Variants in L3MBTL4 observed in about 807,000 individuals in gnomAD.
The protein encoded by L3MBTL4 is L3MBTL histone methyl-lysine binding protein 4.
In L3MBTL4, 70 loss-of-function variants were observed where a neutral mutation model predicts 84.5. The ratio of observed to expected loss-of-function variants is 0.83; its 90% CI spans 0.68 to 1.01. L3MBTL4 has a LOEUF of 1.01. Ranked by LOEUF, L3MBTL4 falls within the 50% of genes least tolerant of loss-of-function variation. The pLI, the probability that L3MBTL4 is intolerant of heterozygous loss-of-function variation, is 0.00. For missense variants in L3MBTL4, 715 were observed against 754.8 expected, an observed-to-expected ratio of 0.95 and a Z score of 0.62; for synonymous variants, 274 against 259.8, an observed-to-expected ratio of 1.05 and a Z score of -0.52.
At chr18:5,982,671 T>A (rs181829922) in intron 16 of L3MBTL4, among the ~76,000 whole-genome samples, 39 of 152,334 alleles carry the variant, frequency 2.6e-4, no homozygotes, top group African/African-American at 7.0e-4. Flanking sequence ...AATTTTATAC[T>A]CATAATAGCT....
At chr18:6,391,752 A>ACTACTACTACTACTACTACTACTACTACT (rs2055059881) in intron 1 of L3MBTL4, among the ~76,000 whole-genome samples, 1 of 150,006 alleles carries the variant, frequency 6.7e-6, no homozygotes, top group South Asian at 2.1e-4. Context: ...CAACAACAAC[A>ACTACTACTACTACTACTACTACTACTACT]ACTACTACTA....
At chr18:5,973,953 T>C (rs1426227278) in intron 16 of L3MBTL4, among the ~76,000 whole-genome samples, 3 of 152,208 alleles carry the variant, frequency 2.0e-5, no homozygotes, top group Non-Finnish European at 4.4e-5. Flanking sequence ...TTTTAATTAA[T>C]CAAAATGTTC....
rs2047701572 is a variant in L3MBTL4, at chr18:6,247,185, T to C, written c.220-2597A>G. Among the ~76,000 whole-genome samples the C allele has an allele frequency of 2.0e-5, 3 of 152,212 alleles. No individual in the cohort carries two copies. The South Asian group carries it at 6.2e-4, about 31-fold the overall frequency. Reference sequence around the variant, plus strand: ...TATTTTCCCTAAGAATAGAACATTCTCTTGCAAAACCATAACTCAGTTATT... The same window carrying C: ...TATTTTCCCTAAGAATAGAACATTCCCTTGCAAAACCATAACTCAGTTATT... On this transcript the variant is annotated intron_variant, in intron 5 of 18. Coordinates refer to ENST00000317931, the MANE Select transcript of L3MBTL4 (RefSeq NM_001330559.2).
chr18:6,016,411 C>A (rs1404847707), intron 16 of L3MBTL4, among the ~76,000 whole-genome samples: 1 of 152,198 alleles, frequency 6.6e-6, no homozygotes, highest in Non-Finnish European at 1.5e-5. Flanking sequence ...TGAAAGCAAT[C>A]TGCAGGTAAG....
At chr18:6,233,961 A>G (rs1487397808) in intron 10 of L3MBTL4, among the ~76,000 whole-genome samples, 2 of 152,192 alleles carry the variant, frequency 1.3e-5, no homozygotes, top group Non-Finnish European at 2.9e-5. Flanking sequence ...ACTGGTACCA[A>G]AACAGAGATA....
At chr18:6,005,275 G>A (rs1468448645) in intron 16 of L3MBTL4, among the ~76,000 whole-genome samples, 1 of 151,802 alleles carries the variant, frequency 6.6e-6, no homozygotes, top group Non-Finnish European at 1.5e-5. Flanking sequence ...GAACCCGGGA[G>A]GCAGAGGTTG....
At chr18:6,016,035 T>C (rs959980753) in intron 16 of L3MBTL4, among the ~76,000 whole-genome samples, 1 of 152,112 alleles carries the variant, frequency 6.6e-6, no homozygotes, top group African/African-American at 2.4e-5. Flanking sequence ...CTGCGGAAGA[T>C]GAACGCTTGG....
intron 16 of L3MBTL4, among the ~76,000 whole-genome samples, chr18:6,067,511 T>C (rs1021149681): frequency 2.6e-5 from 4 of 152,194 alleles, no homozygotes; most frequent in African/African-American, 9.6e-5. Flanking sequence ...TCTTTTTTCT[T>C]CATCTTTGAC....
At chr18:6,098,803 T>C (rs563472193) in intron 14 of L3MBTL4, among the ~76,000 whole-genome samples, 116 of 152,272 alleles carry the variant, frequency 7.6e-4, no homozygotes, top group African/African-American at 2.7e-3. Flanking sequence ...AAGACAAGAC[T>C]GAAGAGTCCT....
intron 12 of L3MBTL4, among the ~76,000 whole-genome samples, chr18:6,172,386 A>T (rs2044019219): frequency 6.6e-6 from 1 of 152,230 alleles, no homozygotes; most frequent in Admixed American, 6.5e-5. Context: ...TAGAGTATAA[A>T]GAAACAATCA....
At chr18:6,406,254 T>C (rs1289230949) in intron 1 of L3MBTL4, among the ~76,000 whole-genome samples, 1 of 152,250 alleles carries the variant, frequency 6.6e-6, no homozygotes, top group Non-Finnish European at 1.5e-5. Context: ...AAATTGGTCT[T>C]CAAACTGCTA....
intron 13 of L3MBTL4, among the ~76,000 whole-genome samples, chr18:6,139,807 C>T (rs1598880587): frequency 6.6e-6 from 1 of 152,168 alleles, no homozygotes; most frequent in South Asian, 2.1e-4. Flanking sequence ...CCGTCTTCCT[C>T]TCTGTGCCTC....
In L3MBTL4 at chr18:6,138,292, C is replaced by T. The variant is rs541961038; in HGVS notation, c.1101G>A (p.Thr367=). The change falls in exon 14 of 19, where the codon ACG becomes ACA. Residue 367 remains threonine (T), a synonymous_variant. Transcript: ENST00000317931. ...GACCTGGAAGGATCTTCAGGTCATTCGTTCCTTCAGGAAGTAAAAGAACAT... is the reference window on the plus strand; with the variant it reads ...GACCTGGAAGGATCTTCAGGTCATTTGTTCCTTCAGGAAGTAAAAGAACAT... ...TGHPLEVPQR[T]NDLKILPGQA... The T allele has an allele frequency of 3.6e-5, 58 of 1,607,046 alleles. No individual in the cohort carries two copies. The highest frequency in any genetic ancestry group is 3.3e-4 in the East Asian group (15 of 44,780).
chr18:6,012,358 C>A (rs8083425), intron 16 of L3MBTL4, among the ~76,000 whole-genome samples: 32,175 of 151,872 alleles, frequency 0.21, 4,169 homozygotes, highest in East Asian at 0.34. Context: ...ACAAGCAAAT[C>A]GACAAAAAGG....
chr18:6,076,944 C>T (rs1426670319), intron 16 of L3MBTL4, among the ~76,000 whole-genome samples: 1 of 152,100 alleles, frequency 6.6e-6, no homozygotes, highest in Non-Finnish European at 1.5e-5. Flanking sequence ...GAGCGTCTAA[C>T]GGCGACAGGA....
rs574009244 is a variant in L3MBTL4, at chr18:6,234,923, A to T, written c.784+3041T>A. On this transcript the variant is annotated intron_variant, in intron 10 of 18. Coordinates refer to ENST00000317931, the MANE Select transcript of L3MBTL4 (RefSeq NM_001330559.2). ...CAAAGACTTGGAACCAGCCCAAATG[A>T]CCATCAGTCATAGACTGAATTAAGA... Among the ~76,000 whole-genome samples the T allele has an allele frequency of 6.6e-5, 10 of 152,282 alleles. No individual in the cohort carries two copies. In the East Asian group the frequency reaches 1.2e-3, roughly 18 times the overall value.
intron 10 of L3MBTL4, among the ~76,000 whole-genome samples, chr18:6,219,592 C>T (rs2046464928): frequency 1.3e-5 from 2 of 150,462 alleles, no homozygotes; most frequent in South Asian, 2.1e-4. Flanking sequence ...TGAGCTAGGG[C>T]GTCGGCCACT....
chr18:6,338,956 TAAG>T (rs2052475609), intron 1 of L3MBTL4, among the ~76,000 whole-genome samples: 1 of 151,986 alleles, frequency 6.6e-6, no homozygotes, highest in South Asian at 2.1e-4. Context: ...TATGAAAAAA[TAAG>T]AATTCTCTAT....
chr18:5,962,629 T>C (rs145948954), intron 17 of L3MBTL4, among the ~76,000 whole-genome samples: 2,516 of 152,240 alleles, frequency 0.017, 31 homozygotes, highest in Non-Finnish European at 0.024. Flanking sequence ...TGGAGTTGGA[T>C]TGGGTCCAAG....
Sources: gnomAD v4.1 joint callset for allele counts (sites outside exome capture counted in the v4.1 genomes callset) on GRCh38, gnomAD v4.1.1 for gene constraint, MANE v1.5 for transcripts, NCBI Gene and HGNC (gene_info 2026-07-23, HGNC 2026-07-21) for gene names.